SLC1A6: variants seen among roughly 807,000 people sequenced by gnomAD.
SLC1A6 encodes solute carrier family 1 member 6.
SLC1A6 carries 15 observed loss-of-function variants against 42.1 expected under a neutral mutation model. That is an observed-to-expected ratio of 0.36 (90% CI 0.24 to 0.55). The LOEUF (loss-of-function observed/expected upper bound fraction) is 0.55, where lower values mean the gene tolerates loss of function less well. SLC1A6 is among the 20% of genes least tolerant of loss of function. The pLI is 0.88. For missense variants in SLC1A6, 542 were observed against 772.5 expected, an observed-to-expected ratio of 0.70 and a Z score of 3.54; for synonymous variants, 317 against 319.7, an observed-to-expected ratio of 0.99 and a Z score of 0.09.
At chr19:14,989,353 C>CT (rs2045807592) in intron 1 of SLC1A6, among the ~76,000 whole-genome samples, 1 of 152,012 alleles carries the variant, frequency 6.6e-6, no homozygotes, top group African/African-American at 2.4e-5. Flanking sequence ...CCTCCACCTC[C>CT]TGGGTTCAAG....
chr19:14,984,084 C>T (rs1406091628), upstream of SLC1A6, among the ~76,000 whole-genome samples: 1 of 151,528 alleles, frequency 6.6e-6, no homozygotes. Context: ...CTGAGGCGGG[C>T]GGATCATCTG....
intron 6 of SLC1A6, among the ~76,000 whole-genome samples, chr19:14,960,224 G>C (rs1339809454): frequency 6.6e-6 from 1 of 152,202 alleles, no homozygotes; most frequent in African/African-American, 2.4e-5. Context: ...GTGAACAAAT[G>C]AGTGAATGAA....
At chr19:14,969,872 G>A (rs757879555) in intron 3 of SLC1A6, among the ~76,000 whole-genome samples, 3 of 152,046 alleles carry the variant, frequency 2.0e-5, no homozygotes, top group African/African-American at 7.2e-5. Flanking sequence ...TGGCAGAATC[G>A]AGTACAATTG....
At chr19:14,994,930 C>T (rs965785051) in intron 1 of SLC1A6, among the ~76,000 whole-genome samples, 1 of 152,080 alleles carries the variant, frequency 6.6e-6, no homozygotes, top group Non-Finnish European at 1.5e-5. Context: ...TGGATGAACT[C>T]GGAGAACATG....
chr19:14,969,361 C>T (rs2045611720), intron 3 of SLC1A6, among the ~76,000 whole-genome samples: 1 of 152,208 alleles, frequency 6.6e-6, no homozygotes, highest in Non-Finnish European at 1.5e-5. Flanking sequence ...AAAATGGGAG[C>T]TGCCTTGCCC....
upstream of SLC1A6, among the ~76,000 whole-genome samples, chr19:14,982,487 C>A (rs920783329): frequency 1.3e-5 from 2 of 152,178 alleles, no homozygotes; most frequent in Admixed American, 1.3e-4. Flanking sequence ...CAAGGTCGTG[C>A]CACTGCACTC....
intron 1 of SLC1A6, among the ~76,000 whole-genome samples, chr19:15,001,338 G>A (rs2045871714): frequency 6.6e-6 from 1 of 152,178 alleles, no homozygotes; most frequent in Non-Finnish European, 1.5e-5. Context: ...AGTGGTCAGA[G>A]AAGAGTTCTT....
intron 1 of SLC1A6, among the ~76,000 whole-genome samples, chr19:14,988,134 T>C (rs1282823214): frequency 2.6e-5 from 4 of 152,208 alleles, no homozygotes; most frequent in African/African-American, 9.6e-5. Flanking sequence ...TCCCCAAGTC[T>C]GCTGTTAGCT....
chr19:14,951,005 C>T (rs191825121), intron 9 of SLC1A6, among the ~76,000 whole-genome samples: 70 of 141,626 alleles, frequency 4.9e-4, no homozygotes, highest in Middle Eastern at 8.0e-3. Flanking sequence ...CAGCACAAGG[C>T]GGGCGGATCA....
chr19:14,992,072 C>T (rs1263476647), intron 1 of SLC1A6, among the ~76,000 whole-genome samples: 10 of 152,106 alleles, frequency 6.6e-5, no homozygotes, highest in Admixed American at 2.6e-4. Context: ...GTGATCCACC[C>T]GCCTCAGCCT....
chr19:14,991,388 G>T (rs913478619), intron 1 of SLC1A6, among the ~76,000 whole-genome samples: 12 of 152,158 alleles, frequency 7.9e-5, no homozygotes, highest in African/African-American at 2.9e-4. Flanking sequence ...ACTTTGGGAG[G>T]CCAAGGTGGA....
rs753091738 is a variant in SLC1A6, at chr19:14,954,326, C to G, written c.1173G>C (p.Ser391=). 2.1e-5 allele frequency: 33 copies of G among 1,606,060 alleles called. No individual in the cohort carries two copies. The highest frequency in any genetic ancestry group is 9.3e-6 in the Non-Finnish European group (11 of 1,179,796). ...AGCGGAAGGTGATGGGCAGCGTTGC[C>G]GAGCTGGGGGAAAGAGCCCAGGACT... ...LITAMGTSSS[S]ATLPITFRCL... Residue 391 remains serine (S), a synonymous_variant, in exon 8 of 10, where the codon TCG becomes TCC. Coordinates refer to ENST00000594383, the MANE Select transcript of SLC1A6 (RefSeq NM_005071.3).
chr19:15,009,399 A>G (rs2145249257), intron 1 of SLC1A6, among the ~76,000 whole-genome samples: 1 of 152,268 alleles, frequency 6.6e-6, no homozygotes. Flanking sequence ...TATATATCAC[A>G]TATATATGCC....
intron 1 of SLC1A6, among the ~76,000 whole-genome samples, chr19:14,975,896 A>AAGGGGGAAGGGGGAAGGG (rs148123004): frequency 1.2e-5 from 1 of 84,292 alleles, no homozygotes; most frequent in Non-Finnish European, 2.3e-5. Context: ...GAAGGGAAGG[A>AAGGGGGAAGGGGGAAGGG]AAGGGAAGGG....
intron 1 of SLC1A6, among the ~76,000 whole-genome samples, chr19:14,985,646 A>G (rs1246230914): frequency 1.3e-5 from 2 of 152,338 alleles, no homozygotes; most frequent in Non-Finnish European, 2.9e-5. Flanking sequence ...TAAATTACCC[A>G]GTCTCAGATA....
rs766311120 is a variant in SLC1A6 at position 14,954,310 on chromosome 19, T to C, written c.1189A>G (p.Thr397Ala). Residue 397 changes from threonine (T) to alanine (A), a missense_variant, in exon 8 of 10, where the codon ACC (threonine) becomes GCC (alanine). Around this residue, in one of 6 missense-constraint regions of SLC1A6, gnomAD observed 298 missense variants for 419.4 expected, o/e 0.71. Coordinates refer to ENST00000594383, the MANE Select transcript of SLC1A6 (RefSeq NM_005071.3). ...AGGCCCTCCTCCAGGCAGCGGAAGG[T>C]GATGGGCAGCGTTGCCGAGCTGGGG... ...TSSSSATLPI[T>A]FRCLEEGLGV... The C allele has an allele frequency of 2.5e-6, 4 of 1,609,494 alleles. No homozygotes were observed. In the African/African-American group the frequency reaches 5.3e-5, roughly 22 times the overall value.
intron 6 of SLC1A6, chr19:14,961,346 G>T (rs763755937): frequency 1.3e-5 from 2 of 152,094 alleles, no homozygotes; most frequent in African/African-American, 4.8e-5. Context: ...GTTTTTATTT[G>T]TCAATTAAAA....
At chr19:14,995,192 G>A (rs2045839059) in intron 1 of SLC1A6, among the ~76,000 whole-genome samples, 1 of 151,952 alleles carries the variant, frequency 6.6e-6, no homozygotes, top group Admixed American at 6.6e-5. Context: ...AGGCATGGTG[G>A]CACATGCCTG....
upstream of SLC1A6, among the ~76,000 whole-genome samples, chr19:14,982,454 C>T (rs1473680651): frequency 3.3e-5 from 5 of 150,690 alleles, no homozygotes; most frequent in South Asian, 2.1e-4. Context: ...ACTTGAACCC[C>T]GGAGGCAGAG....
Sources: allele counts gnomAD v4.1 joint callset (sites outside exome capture counted in the v4.1 genomes callset), GRCh38; gene constraint gnomAD v4.1.1; regional missense constraint gnomAD v4.1.1; transcripts MANE v1.5; gene names NCBI Gene and HGNC (gene_info 2026-07-23, HGNC 2026-07-21).